The following YEATS2 variants were observed in gnomAD, a reference collection of about 807,000 sequenced individuals.
The protein encoded by YEATS2 is YEATS domain containing 2.
In YEATS2, 77 loss-of-function variants were observed where a neutral mutation model predicts 163.2. The observed-to-expected ratio is 0.47, with a 90% confidence interval of 0.39 to 0.57. YEATS2 has a LOEUF of 0.57. YEATS2 is among the 20% of genes least tolerant of loss of function. The pLI is 0.00. For synonymous variants in YEATS2, 631 were observed against 645.1 expected, an observed-to-expected ratio of 0.98 and a Z score of 0.33; for missense variants, 1,549 against 1,729.8, an observed-to-expected ratio of 0.90 and a Z score of 1.85.
intron 13 of YEATS2, among the ~76,000 whole-genome samples, chr3:183,759,751 T>C (rs1721152821): frequency 6.6e-6 from 1 of 152,100 alleles, no homozygotes; most frequent in South Asian, 2.1e-4. Flanking sequence ...TACGCTGGGG[T>C]TATATTCAGA....
In YEATS2 at chr3:183,790,926, G is replaced by T; in HGVS notation, c.3043G>T (p.Ala1015Ser). 1 of 1,614,168 alleles carries T rather than the reference G, an allele frequency of 6.2e-7. No homozygotes were observed. Among genetic ancestry groups the T allele is most frequent in the Non-Finnish European group, 8.5e-7 (1 of 1,180,030 alleles). The change falls in exon 21 of 31, where the codon GCC (alanine) becomes TCC (serine). Residue 1015 changes from alanine to serine, a missense_variant. Ala to Ser is a moderately conservative substitution (Grantham distance 99). Transcript: ENST00000305135. ...GGCTGCCACCCCCACCGTCGTCAGC[G>T]CCACGTCCCTCGTGCCTACACCAAA... ...CKAATPTVVS[A>S]TSLVPTPNPI...
At chr3:183,741,897 A>C (rs187948486) in intron 8 of YEATS2, among the ~76,000 whole-genome samples, 1 of 151,844 alleles carries the variant, frequency 6.6e-6, no homozygotes, top group Non-Finnish European at 1.5e-5. Context: ...TCAACATTCA[A>C]GTCTTACTGT....
chr3:183,765,068 C>T (rs1442726314), intron 15 of YEATS2, among the ~76,000 whole-genome samples: 2 of 152,146 alleles, frequency 1.3e-5, no homozygotes, highest in South Asian at 2.1e-4. Context: ...TTGAGGCATT[C>T]GTAGCCAGAA....
At chr3:183,762,482 A>G (rs776259153) in intron 15 of YEATS2, among the ~76,000 whole-genome samples, 3 of 152,160 alleles carry the variant, frequency 2.0e-5, no homozygotes, top group Non-Finnish European at 4.4e-5. Flanking sequence ...CGCGTTATGT[A>G]TTGCAAAGGA....
In YEATS2 at chr3:183,748,395, G is replaced by T. The variant is rs1247114662; in HGVS notation, c.969+679G>T. On this transcript the variant is annotated intron_variant, in intron 9 of 30. Coordinates refer to ENST00000305135, the MANE Select transcript of YEATS2 (RefSeq NM_018023.5). The stretch of plus-strand genomic sequence containing the variant: ...GCCTCCCAAGTAGCTGTGACTACAG[G>T]CACGCGCCACCACACCCAGCTAATT... Among the ~76,000 whole-genome samples the T allele has an allele frequency of 6.6e-5, 10 of 150,684 alleles. No individual in the cohort carries two copies. The East Asian group carries it at 2.0e-3, about 30-fold the overall frequency.
In YEATS2 at chr3:183,790,995, G is replaced by C; in HGVS notation, c.3097+15G>C. On this transcript the variant is annotated intron_variant, in intron 21 of 30. Coordinates refer to ENST00000305135, the MANE Select transcript of YEATS2 (RefSeq NM_018023.5). ...CACAGTATCCGGTGAGTTGCATTGTGATATTATTTCTCTCTCTTTTCTCTC... is the reference window on the plus strand; with the variant it reads ...CACAGTATCCGGTGAGTTGCATTGTCATATTATTTCTCTCTCTTTTCTCTC... 6.2e-7 allele frequency: 1 copy of C among 1,606,534 alleles called. No individual in the cohort carries two copies. Among genetic ancestry groups the C allele is most frequent in the Non-Finnish European group, 8.5e-7 (1 of 1,174,782 alleles).
At chr3:183,723,011 A>G (rs1028257411) in intron 5 of YEATS2, among the ~76,000 whole-genome samples, 1 of 152,202 alleles carries the variant, frequency 6.6e-6, no homozygotes, top group Non-Finnish European at 1.5e-5. Context: ...CAGCTCCTGG[A>G]TGCTGTTTAC....
At chr3:183,763,877 G>T (rs1227719259) in intron 15 of YEATS2, among the ~76,000 whole-genome samples, 1 of 152,044 alleles carries the variant, frequency 6.6e-6, no homozygotes, top group Non-Finnish European at 1.5e-5. Context: ...AGACCAGCCT[G>T]TCCGACGTGG....
Position 183,773,751 on chromosome 3 carries a change from G to T in YEATS2, c.2325G>T (p.Leu775=). 6.2e-7 allele frequency: 1 copy of T among 1,613,404 alleles called. No individual in the cohort carries two copies. Among genetic ancestry groups the T allele is most frequent in the Non-Finnish European group, 8.5e-7 (1 of 1,179,790 alleles). The change falls in exon 17 of 31, where the codon CTG becomes CTT. Residue 775 remains leucine (L), a synonymous_variant. Transcript: ENST00000305135. Reference sequence around the variant, plus strand: ...ACCCTTCAGGAAAAGGAAAACTGCTGCTGATCCCTCAAGGAGCCATCCTGC... The same window carrying T: ...ACCCTTCAGGAAAAGGAAAACTGCTTCTGATCCCTCAAGGAGCCATCCTGC... The part of the protein sequence containing the change: ...SKNPSGKGKL[L]LIPQGAILRA...
At chr3:183,789,557 A>G (rs1451453512) in intron 20 of YEATS2, among the ~76,000 whole-genome samples, 3 of 36,702 alleles carry the variant, frequency 8.2e-5, no homozygotes, top group Non-Finnish European at 1.5e-4. Flanking sequence ...TTTTTTTGAG[A>G]CAGAGTCTCG....
chr3:183,767,145 A>G (rs1323016165), intron 15 of YEATS2, among the ~76,000 whole-genome samples: 1 of 152,210 alleles, frequency 6.6e-6, no homozygotes, highest in African/African-American at 2.4e-5. Flanking sequence ...AGGTAGTGAC[A>G]GTCATCTCCC....
Position 183,722,115 on chromosome 3 carries a change from A to G in YEATS2, c.516A>G (p.Arg172=). ...GACTCTCAAACAACATGGAGCAGAG[A>G]CCAAGCCGAAATACTGGAAGGGTAT... ...EERLSNNMEQ[R]PSRNTGRDTS... Residue 172 remains arginine, a synonymous_variant, in exon 5 of 31, where the codon AGA becomes AGG. Transcript: ENST00000305135. 6.2e-7 allele frequency: 1 copy of G among 1,614,026 alleles called. No homozygotes were observed. Among genetic ancestry groups the G allele is most frequent in the Non-Finnish European group, 8.5e-7 (1 of 1,180,000 alleles).
chr3:183,797,327 G>A (rs1020780313), intron 21 of YEATS2, among the ~76,000 whole-genome samples: 11 of 148,002 alleles, frequency 7.4e-5, no homozygotes, highest in Non-Finnish European at 1.0e-4. Context: ...AGGATCGCTC[G>A]AGGCCAGGAG....
At chr3:183,734,880 T>C (rs1429763110) in intron 7 of YEATS2, among the ~76,000 whole-genome samples, 2 of 152,230 alleles carry the variant, frequency 1.3e-5, no homozygotes, top group Non-Finnish European at 2.9e-5. Flanking sequence ...TTTCACCTTC[T>C]ATGAGGAATC....
intron 15 of YEATS2, among the ~76,000 whole-genome samples, chr3:183,769,328 C>T (rs1722223915): frequency 6.6e-6 from 1 of 152,170 alleles, no homozygotes; most frequent in Non-Finnish European, 1.5e-5. Flanking sequence ...AAGGTCTCTG[C>T]CTTGGCCGAA....
Position 183,747,049 on chromosome 3 carries a change from T to C in YEATS2, c.925-623T>C, listed in dbSNP as rs542393199. ...CCTTTTTCTGTGTAATTGTAAACTCTTGTTTATATTATTAACATACCCTCA... is the reference window on the plus strand; with the variant it reads ...CCTTTTTCTGTGTAATTGTAAACTCCTGTTTATATTATTAACATACCCTCA... On this transcript the variant is annotated intron_variant, in intron 8 of 30. Coordinates refer to ENST00000305135, the MANE Select transcript of YEATS2 (RefSeq NM_018023.5). 1.3e-3 allele frequency among the ~76,000 whole-genome samples: 193 copies of C among 152,346 alleles called. 2 individuals carry two copies. The highest frequency in any genetic ancestry group is 4.5e-3 in the African/African-American group (187 of 41,592).
In YEATS2 at chr3:183,737,757, T is replaced by C. The variant is rs146193182; in HGVS notation, c.924+928T>C. Among the ~76,000 whole-genome samples the C allele has an allele frequency of 9.2e-5, 14 of 152,350 alleles. No individual in the cohort carries two copies. In the East Asian group the frequency reaches 2.7e-3, roughly 29 times the overall value. ...TGCAGCCATTGTAAATTATATCTTA[T>C]GAAGTGTTGTCTTTCCACGGGGAGA... On this transcript the variant is annotated intron_variant, in intron 8 of 30. Coordinates refer to ENST00000305135, the MANE Select transcript of YEATS2 (RefSeq NM_018023.5).
At chr3:183,784,125 C>G (rs920366353) in intron 19 of YEATS2, among the ~76,000 whole-genome samples, 11 of 152,164 alleles carry the variant, frequency 7.2e-5, no homozygotes, top group African/African-American at 2.7e-4. Context: ...GTCTTGAACT[C>G]CTGGGCTGAA....
intron 1 of YEATS2, among the ~76,000 whole-genome samples, chr3:183,700,454 T>C (rs981747992): frequency 1.3e-5 from 2 of 152,184 alleles, no homozygotes; most frequent in Non-Finnish European, 2.9e-5. Flanking sequence ...TCTTGGATTG[T>C]TCCCTATCTC....
Sources: allele counts gnomAD v4.1 joint callset (sites outside exome capture counted in the v4.1 genomes callset), GRCh38; gene constraint gnomAD v4.1.1; transcripts MANE v1.5; gene names NCBI Gene and HGNC (gene_info 2026-07-23, HGNC 2026-07-21).